The following ANKRD45 variants were observed in gnomAD, a reference collection of about 807,000 sequenced individuals.
ANKRD45 encodes ankyrin repeat domain 45, also known as ankyrin repeat domain-containing protein 45.
A neutral mutation model predicts 28.1 loss-of-function variants in ANKRD45; 21 were observed. That is an observed-to-expected ratio of 0.75 (90% CI 0.53 to 1.08). ANKRD45 has a LOEUF of 1.08. ANKRD45 is among the 50% of genes least tolerant of loss of function. ANKRD45 has a pLI of 0.00. For synonymous variants in ANKRD45, 86 were observed against 103.9 expected, an observed-to-expected ratio of 0.83 and a Z score of 1.05; for missense variants, 261 against 308.7, an observed-to-expected ratio of 0.85 and a Z score of 1.16.
chr1:173,638,811 C>T (rs2102345559), intron 3 of ANKRD45, among the ~76,000 whole-genome samples: 1 of 152,278 alleles, frequency 6.6e-6, no homozygotes, highest in Non-Finnish European at 1.5e-5. Context: ...TGATAATTCA[C>T]TCAACCCAGC....
At chr1:173,694,932 T>A in the ANKRD45 span, among the ~76,000 whole-genome samples, 1 of 152,210 alleles carries the variant, frequency 6.6e-6, no homozygotes, top group Non-Finnish European at 1.5e-5. Context: ...AACAACAGAT[T>A]CTAATATAAC....
chr1:173,667,692 A>C, intron 1 of ANKRD45: 1 of 434,920 alleles, frequency 2.3e-6, no homozygotes, highest in East Asian at 7.4e-5. Context: ...GCACAACAGA[A>C]TGAGACCCCA....
At chr1:173,624,992 T>G in intron 4 of ANKRD45, 67 bp from the exon 5 acceptor site, 1 of 1,507,680 alleles carries the variant, frequency 6.6e-7, no homozygotes, top group Non-Finnish European at 9.0e-7. Context: ...ACAGTATCTC[T>G]AAACCAGCAC....
intron 1 of ANKRD45, 68 bp from the exon 2 acceptor site, chr1:173,659,501 G>T (rs1669690526): frequency 7.4e-7 from 1 of 1,357,616 alleles, no homozygotes; most frequent in Admixed American, 2.5e-5. Flanking sequence ...TTATTTATTT[G>T]CTCAGTCAAC....
chr1:173,698,973 A>G, the ANKRD45 span, among the ~76,000 whole-genome samples: 1 of 152,216 alleles, frequency 6.6e-6, no homozygotes, highest in Non-Finnish European at 1.5e-5. Context: ...GATGCAATAA[A>G]AAATGATAAA....
intron 3 of ANKRD45, among the ~76,000 whole-genome samples, chr1:173,638,876 G>A (rs1271130657): frequency 1.3e-5 from 2 of 152,184 alleles, no homozygotes; most frequent in Non-Finnish European, 2.9e-5. Flanking sequence ...AGATTTGACT[G>A]ACTACCAAAC....
At chr1:173,680,576 G>T in the ANKRD45 span, among the ~76,000 whole-genome samples, 1 of 151,868 alleles carries the variant, frequency 6.6e-6, no homozygotes, top group Non-Finnish European at 1.5e-5. Context: ...AACCACTATG[G>T]CATGTGTATA....
the ANKRD45 span, among the ~76,000 whole-genome samples, chr1:173,705,097 A>G: frequency 6.6e-6 from 1 of 152,240 alleles, no homozygotes; most frequent in Middle Eastern, 3.4e-3. Flanking sequence ...AGTGCCTCCC[A>G]AAAAGGACTG....
intron 5 of ANKRD45, among the ~76,000 whole-genome samples, chr1:173,611,885 G>A (rs763902852): frequency 9.2e-5 from 14 of 152,032 alleles, no homozygotes; most frequent in South Asian, 4.1e-4. Flanking sequence ...TATTTCTGAC[G>A]AGAGACTTGT....
chr1:173,637,928 G>A, intron 3 of ANKRD45, among the ~76,000 whole-genome samples: 1 of 152,302 alleles, frequency 6.6e-6, no homozygotes, highest in African/African-American at 2.4e-5. Flanking sequence ...CTGGAGGACA[G>A]CCAGGACCTA....
chr1:173,688,535 TCC>T, the ANKRD45 span, among the ~76,000 whole-genome samples: 1 of 128,832 alleles, frequency 7.8e-6, no homozygotes, highest in Non-Finnish European at 1.5e-5. Context: ...TTCCTCTCTC[TCC>T]CTCTCTCTCC....
At chr1:173,639,487 A>C (rs1156787220) in intron 3 of ANKRD45, among the ~76,000 whole-genome samples, 2 of 152,242 alleles carry the variant, frequency 1.3e-5, no homozygotes, top group African/African-American at 2.4e-5. Context: ...AGAACACAGA[A>C]GGAAAATGGA....
chr1:173,693,353 T>C, the ANKRD45 span, among the ~76,000 whole-genome samples: 1 of 152,214 alleles, frequency 6.6e-6, no homozygotes, highest in Non-Finnish European at 1.5e-5. Context: ...TATTTTGTTA[T>C]GTTATTCTTT....
intron 3 of ANKRD45, among the ~76,000 whole-genome samples, chr1:173,633,663 G>A (rs1668291366): frequency 6.6e-6 from 1 of 151,928 alleles, no homozygotes; most frequent in African/African-American, 2.4e-5. Flanking sequence ...ATAGACCAAT[G>A]GAACAGAATG....
chr1:173,630,458 CTTGT>C (rs1484715783), intron 3 of ANKRD45, among the ~76,000 whole-genome samples: 2 of 152,026 alleles, frequency 1.3e-5, no homozygotes, highest in Admixed American at 6.6e-5. Flanking sequence ...TTTCTCTTTG[CTTGT>C]TTGTTTATAC....
intron 3 of ANKRD45, among the ~76,000 whole-genome samples, chr1:173,629,143 T>C (rs984861189): frequency 6.6e-6 from 1 of 152,110 alleles, no homozygotes; most frequent in Admixed American, 6.5e-5. Flanking sequence ...AACATCCAAG[T>C]CCCTTCAAAT....
chr1:173,690,536 G>A, the ANKRD45 span, among the ~76,000 whole-genome samples: 17 of 152,098 alleles, frequency 1.1e-4, no homozygotes, highest in African/African-American at 3.9e-4. Context: ...TTGAGATACT[G>A]GACTTTTATC....
chr1:173,639,576 G>A (rs1272583218), intron 3 of ANKRD45, among the ~76,000 whole-genome samples: 5 of 152,178 alleles, frequency 3.3e-5, no homozygotes, highest in Non-Finnish European at 7.3e-5. Context: ...CTTCATGGGT[G>A]TATAGGAATT....
chr1:173,649,579 T>C (rs984359054), intron 2 of ANKRD45, among the ~76,000 whole-genome samples: 2 of 152,210 alleles, frequency 1.3e-5, no homozygotes. Flanking sequence ...TGTCTTTACA[T>C]AGATATATCC....
Sources: allele counts gnomAD v4.1 joint callset (sites outside exome capture counted in the v4.1 genomes callset), GRCh38; gene constraint gnomAD v4.1.1; transcripts MANE v1.5; gene names NCBI Gene and HGNC (gene_info 2026-07-23, HGNC 2026-07-21).